NDST4: variants seen among roughly 807,000 people sequenced by gnomAD.
The protein encoded by NDST4 is N-heparan sulfate sulfotransferase 4.
A neutral mutation model predicts 100.8 loss-of-function variants in NDST4; 63 were observed. The observed-to-expected ratio is 0.62, with a 90% CI of 0.51 to 0.77. The LOEUF (loss-of-function observed/expected upper bound fraction) is 0.77, where lower values mean the gene tolerates loss of function less well. Ranked by LOEUF, NDST4 falls within the 30% of genes least tolerant of loss-of-function variation. The pLI is 0.00. For missense variants in NDST4, 943 were observed against 1,018.4 expected (o/e 0.93, Z 1.01); for synonymous variants, 377 against 361.8 (o/e 1.04, Z -0.48).
At chr4:114,900,227 T>C (rs1724806054) in intron 6 of NDST4, among the ~76,000 whole-genome samples, 1 of 152,192 alleles carries the variant, frequency 6.6e-6, no homozygotes, top group African/African-American at 2.4e-5. Flanking sequence ...TCTTTTTTTT[T>C]CTCAGCGTAA....
chr4:115,110,012 G>A (rs368000101), intron 1 of NDST4, among the ~76,000 whole-genome samples: 1 of 151,842 alleles, frequency 6.6e-6, no homozygotes, highest in East Asian at 1.9e-4. Flanking sequence ...CTATTGATGA[G>A]TTTGGAATTC....
chr4:115,040,240 T>C (rs1487136487), intron 2 of NDST4, among the ~76,000 whole-genome samples: 1 of 150,842 alleles, frequency 6.6e-6, no homozygotes, highest in Non-Finnish European at 1.5e-5. Context: ...AAATAAAATA[T>C]ACAATAGATC....
rs897706934 is a variant in NDST4, at chr4:114,856,476, A to C, written c.1720-3655T>G. ...TGTTTTTCTTTGACAAATACTTTTA[A>C]ATATAACACTTGTCAAGTGAGTTTT... On this transcript the variant is annotated intron_variant, in intron 7 of 13. Transcript: ENST00000264363. Among the ~76,000 whole-genome samples, 9 of 152,184 alleles carry C rather than the reference A, an allele frequency of 5.9e-5. No homozygotes were observed. The East Asian group carries it at 1.3e-3, about 23-fold the overall frequency.
At chr4:114,982,902 C>G (rs1239253453) in intron 2 of NDST4, among the ~76,000 whole-genome samples, 2 of 152,162 alleles carry the variant, frequency 1.3e-5, no homozygotes, top group East Asian at 3.9e-4. Context: ...TGCATCCCAG[C>G]CACTCCAGCT....
chr4:115,068,373 A>G (rs1728996781), intron 2 of NDST4, among the ~76,000 whole-genome samples: 1 of 152,154 alleles, frequency 6.6e-6, no homozygotes, highest in South Asian at 2.1e-4. Flanking sequence ...AGGAAAATCA[A>G]ACCAAATAGC....
At chr4:115,104,544 C>T (rs1009508361) in intron 1 of NDST4, among the ~76,000 whole-genome samples, 4 of 152,096 alleles carry the variant, frequency 2.6e-5, no homozygotes, top group Non-Finnish European at 5.9e-5. Context: ...TTTCTGCTTA[C>T]TCCAGCGTGA....
intron 6 of NDST4, among the ~76,000 whole-genome samples, chr4:114,872,000 G>A (rs1338700489): frequency 6.6e-6 from 1 of 151,914 alleles, no homozygotes; most frequent in Non-Finnish European, 1.5e-5. Context: ...GAAAAGTCAA[G>A]TGTCTCATGG....
At chr4:115,005,511 C>A (rs1356839818) in intron 2 of NDST4, among the ~76,000 whole-genome samples, 2 of 152,044 alleles carry the variant, frequency 1.3e-5, no homozygotes, top group Non-Finnish European at 2.9e-5. Context: ...AACTAGGAGG[C>A]CCACATGGTT....
intron 2 of NDST4, among the ~76,000 whole-genome samples, chr4:114,983,556 C>A (rs1726829323): frequency 1.3e-5 from 2 of 152,322 alleles, no homozygotes; most frequent in Non-Finnish European, 2.9e-5. Context: ...CCTTTACCTG[C>A]ATTGTATCTT....
At chr4:115,026,751 A>G (rs1578465613) in intron 2 of NDST4, among the ~76,000 whole-genome samples, 1 of 151,996 alleles carries the variant, frequency 6.6e-6, no homozygotes, top group East Asian at 1.9e-4. Flanking sequence ...CAGGCACAGC[A>G]TTGTGAAGGT....
rs759370761 is a variant in NDST4, at chr4:114,829,756, TG to T, written c.2499+33del. 9 of 1,501,256 alleles carry T rather than the reference TG, an allele frequency of 6.0e-6. No individual in the cohort carries two copies. The Admixed American group carries it at 1.9e-4, about 32-fold the overall frequency. 93.0% of individuals were successfully genotyped at this position (1,501,256 alleles called of 1,614,324 possible). A position where few individuals can be genotyped will look rare whatever the true frequency, so the allele number is the denominator to read the frequency against. ...TGAAATAGCTGTTTGCAAATATTTTTGCTAGAGTAATTCAAAGATTAAAAAA... is the reference window on the plus strand; with the variant it reads ...TGAAATAGCTGTTTGCAAATATTTTTCTAGAGTAATTCAAAGATTAAAAAA... On this transcript the variant is annotated intron_variant, in intron 13 of 13. Transcript: ENST00000264363.
At chr4:115,084,716 G>C (rs1239313614) in intron 1 of NDST4, among the ~76,000 whole-genome samples, 3 of 152,166 alleles carry the variant, frequency 2.0e-5, no homozygotes, top group Non-Finnish European at 4.4e-5. Context: ...TGGGCCTGTT[G>C]GCACACAGAA....
At position 114,870,787 on chromosome 4, in the gene NDST4, T is replaced by C. The variant is rs991498995; in HGVS notation, c.1700A>G (p.Gln567Arg). 9.9e-6 allele frequency: 16 copies of C among 1,609,704 alleles called. No individual in the cohort carries two copies. Among genetic ancestry groups the C allele is most frequent in the Non-Finnish European group, 1.3e-5 (15 of 1,178,302 alleles). Residue 567 changes from glutamine (Q) to arginine (R), a missense_variant, in exon 7 of 14, where the codon CAG becomes CGG. Around this residue, in one of 2 missense-constraint regions of NDST4, gnomAD observed 526 missense variants for 634.1 expected, o/e 0.83. Transcript: ENST00000264363. The stretch of plus-strand genomic sequence containing the variant: ...TGTTACCTGCCATAGAGGGTCTTTC[T>C]GCTCAGGGAAGAGCTCAAAATACTG... ...AHQYFELFPE[Q>R]KDPLWQNPCD...
At chr4:115,021,305 T>TATATTCCACATATAC (rs776920869) in intron 2 of NDST4, among the ~76,000 whole-genome samples, 64 of 146,610 alleles carry the variant, frequency 4.4e-4, no homozygotes, top group African/African-American at 1.4e-3. Flanking sequence ...ATTCCATATA[T>TATATTCCACATATAC]ATATTCCACA....
chr4:115,035,013 A>C (rs1728202301), intron 2 of NDST4, among the ~76,000 whole-genome samples: 1 of 152,114 alleles, frequency 6.6e-6, no homozygotes, highest in African/African-American at 2.4e-5. Context: ...CCAATCAATA[A>C]ATTTCTTGCA....
At chr4:114,901,930 C>A (rs897917707) in intron 6 of NDST4, among the ~76,000 whole-genome samples, 1 of 151,748 alleles carries the variant, frequency 6.6e-6, no homozygotes, top group South Asian at 2.1e-4. Context: ...CTGCTTCATG[C>A]GTAGTGCAAA....
chr4:114,854,300 C>CA (rs1723742923), intron 7 of NDST4, among the ~76,000 whole-genome samples: 4 of 152,152 alleles, frequency 2.6e-5, no homozygotes. Context: ...TTGAAAATGA[C>CA]AAAATCTCAT....
chr4:115,088,519 A>G (rs1729451792), intron 1 of NDST4, among the ~76,000 whole-genome samples: 2 of 151,836 alleles, frequency 1.3e-5, no homozygotes, highest in African/African-American at 4.8e-5. Context: ...AGTCCCTACC[A>G]CTTCCTCACC....
intron 1 of NDST4, among the ~76,000 whole-genome samples, chr4:115,106,596 T>C (rs1242396474): frequency 4.6e-5 from 7 of 152,152 alleles, no homozygotes; most frequent in African/African-American, 1.4e-4. Flanking sequence ...ATTGTTATAC[T>C]GTATTATTTA....
Sources: gnomAD v4.1 joint callset for allele counts (sites outside exome capture counted in the v4.1 genomes callset) on GRCh38, gnomAD v4.1.1 for gene constraint, gnomAD v4.1.1 regional missense constraint, MANE v1.5 for transcripts, NCBI Gene and HGNC (gene_info 2026-07-23, HGNC 2026-07-21) for gene names.